The following TMTC1 variants were observed in gnomAD, a reference collection of about 807,000 sequenced individuals.
TMTC1 encodes the protein transmembrane O-mannosyltransferase targeting cadherins 1, also known as protein O-mannosyl-transferase TMTC1.
TMTC1 carries 73 observed loss-of-function variants against 104.8 expected under a neutral mutation model. The observed-to-expected ratio is 0.70, with a 90% CI of 0.58 to 0.85. TMTC1 has a LOEUF of 0.85. Among genes scored for constraint, TMTC1 ranks in the 40% least tolerant of loss-of-function variants. The pLI, the probability that TMTC1 is intolerant of heterozygous loss-of-function variation, is 0.00. For synonymous variants in TMTC1, 434 were observed against 428.7 expected (o/e 1.01, Z -0.15); for missense variants, 1,035 against 1,096.1 (o/e 0.94, Z 0.79).
At chr12:29,736,838 C>G (rs898069120) in intron 5 of TMTC1, among the ~76,000 whole-genome samples, 2 of 152,200 alleles carry the variant, frequency 1.3e-5, no homozygotes, top group African/African-American at 4.8e-5. Context: ...GATGCATTAA[C>G]TTTGAAATGT....
intron 5 of TMTC1, among the ~76,000 whole-genome samples, chr12:29,731,119 T>C (rs1171873033): frequency 6.6e-6 from 1 of 152,208 alleles, no homozygotes; most frequent in Non-Finnish European, 1.5e-5. Flanking sequence ...AAAGAGAATT[T>C]AATTCAGCAA....
chr12:29,737,547 CG>C (rs1186025703), intron 5 of TMTC1, among the ~76,000 whole-genome samples: 1 of 151,732 alleles, frequency 6.6e-6, no homozygotes, highest in Non-Finnish European at 1.5e-5. Flanking sequence ...AAAAGGGCGG[CG>C]GGAGGGGGGA....
chr12:29,650,594 C>A (rs1939471419), intron 5 of TMTC1, among the ~76,000 whole-genome samples: 1 of 152,148 alleles, frequency 6.6e-6, no homozygotes, highest in Non-Finnish European at 1.5e-5. Flanking sequence ...TGTTAAGAAA[C>A]AATGGTCTTA....
intron 5 of TMTC1, among the ~76,000 whole-genome samples, chr12:29,688,518 G>A (rs1265433474): frequency 1.3e-5 from 2 of 152,078 alleles, no homozygotes; most frequent in Non-Finnish European, 2.9e-5. Flanking sequence ...TCACTGTGAG[G>A]TGCATGCCCA....
intron 10 of TMTC1, among the ~76,000 whole-genome samples, chr12:29,554,350 T>G (rs1175577315): frequency 6.7e-6 from 1 of 149,236 alleles, no homozygotes; most frequent in East Asian, 1.9e-4. Context: ...CAGTTGTTTT[T>G]CCTTTCTTGT....
At chr12:29,750,869 T>A (rs558774258) in intron 5 of TMTC1, among the ~76,000 whole-genome samples, 4 of 152,198 alleles carry the variant, frequency 2.6e-5, no homozygotes, top group Admixed American at 6.5e-5. Context: ...ATGATCCACA[T>A]AGGGCTACTA....
intron 5 of TMTC1, among the ~76,000 whole-genome samples, chr12:29,638,561 AG>A (rs767505141): frequency 6.6e-6 from 1 of 152,274 alleles, no homozygotes; most frequent in East Asian, 1.9e-4. Context: ...GATAAGGCTG[AG>A]GGTCTAATTG....
intron 5 of TMTC1, among the ~76,000 whole-genome samples, chr12:29,716,029 TTA>T (rs1239501359): frequency 2.8e-4 from 41 of 147,046 alleles, no homozygotes; most frequent in Non-Finnish European, 4.6e-4. Flanking sequence ...ATTATTATTA[TTA>T]TTTTAGAAAC....
At chr12:29,646,127 C>T (rs566252421) in intron 5 of TMTC1, among the ~76,000 whole-genome samples, 1 of 152,290 alleles carries the variant, frequency 6.6e-6, no homozygotes, top group East Asian at 1.9e-4. Context: ...GGGTGAAATG[C>T]TGGTGTCTCA....
intron 7 of TMTC1, among the ~76,000 whole-genome samples, chr12:29,597,942 T>C (rs1369318241): frequency 6.6e-6 from 1 of 152,184 alleles, no homozygotes; most frequent in Non-Finnish European, 1.5e-5. Flanking sequence ...TAGGTTTAGC[T>C]TTATGCAAAA....
chr12:29,636,781 A>T (rs893007174), intron 5 of TMTC1, among the ~76,000 whole-genome samples: 1 of 151,792 alleles, frequency 6.6e-6, no homozygotes, highest in African/African-American at 2.4e-5. Flanking sequence ...ATGGTACCTC[A>T]TGCCTGTAAT....
At chr12:29,655,084 A>T (rs1228195783) in intron 5 of TMTC1, among the ~76,000 whole-genome samples, 1 of 152,020 alleles carries the variant, frequency 6.6e-6, no homozygotes, top group East Asian at 1.9e-4. Flanking sequence ...GGGTTTTACC[A>T]TGTTGGCAGG....
intron 10 of TMTC1, among the ~76,000 whole-genome samples, chr12:29,549,497 A>G (rs1290966659): frequency 1.3e-5 from 2 of 152,120 alleles, no homozygotes; most frequent in African/African-American, 2.4e-5. Context: ...CATTGCACTG[A>G]AGACTTAAGA....
At chr12:29,704,025 A>T (rs1312378097) in intron 5 of TMTC1, among the ~76,000 whole-genome samples, 2 of 152,306 alleles carry the variant, frequency 1.3e-5, no homozygotes, top group South Asian at 2.1e-4. Context: ...CTGTGAGTCC[A>T]TTGAACCTCT....
intron 7 of TMTC1, among the ~76,000 whole-genome samples, chr12:29,588,982 T>C (rs1485482964): frequency 5.3e-5 from 8 of 152,170 alleles, no homozygotes; most frequent in Admixed American, 5.2e-4. Flanking sequence ...GAAAAAAAAT[T>C]AAGTTGAAAG....
At chr12:29,703,271 T>G (rs1443322056) in intron 5 of TMTC1, among the ~76,000 whole-genome samples, 1 of 152,170 alleles carries the variant, frequency 6.6e-6, no homozygotes, top group Non-Finnish European at 1.5e-5. Context: ...TGGGAGGTGC[T>G]TAGAGTAAAA....
intron 9 of TMTC1, among the ~76,000 whole-genome samples, chr12:29,564,196 G>T (rs1945449797): frequency 6.6e-6 from 1 of 152,212 alleles, no homozygotes. Flanking sequence ...GACCAGTCAA[G>T]TTTGAGGTGC....
chr12:29,693,627 G>A (rs1011698320), intron 5 of TMTC1, among the ~76,000 whole-genome samples: 2 of 151,314 alleles, frequency 1.3e-5, no homozygotes, highest in Admixed American at 6.6e-5. Context: ...AAACTAAAAT[G>A]CTGTGCACTA....
At chr12:29,586,882 T>A (rs1253447749) in intron 7 of TMTC1, among the ~76,000 whole-genome samples, 1 of 152,042 alleles carries the variant, frequency 6.6e-6, no homozygotes, top group Non-Finnish European at 1.5e-5. Context: ...TCAAGGATAG[T>A]GGTCTAAAAT....
Sources: gnomAD v4.1 joint callset for allele counts (sites outside exome capture counted in the v4.1 genomes callset) on GRCh38, gnomAD v4.1.1 for gene constraint, MANE v1.5 for transcripts, NCBI Gene and HGNC (gene_info 2026-07-23, HGNC 2026-07-21) for gene names.